NIPAL2: variants seen among roughly 807,000 people sequenced by gnomAD.
NIPAL2 encodes the protein NIPA like domain containing 2.
In NIPAL2, 43 loss-of-function variants were observed where a neutral mutation model predicts 48.9. The observed-to-expected ratio is 0.88, with a 90% confidence interval of 0.69 to 1.13. The LOEUF (loss-of-function observed/expected upper bound fraction) is 1.13. Ranked by LOEUF, NIPAL2 falls within the 50% of genes most tolerant of loss-of-function variation. The pLI is 0.00. For synonymous variants in NIPAL2, 167 were observed against 174.6 expected (o/e 0.96, Z 0.34); for missense variants, 446 against 461.4 (o/e 0.97, Z 0.31).
intron 3 of NIPAL2, 160 bp downstream of exon 3, chr8:98,252,303 A>G: frequency 1.0e-5 from 7 of 683,288 alleles, no homozygotes; most frequent in Middle Eastern, 4.2e-4. Context: ...CAGCATGACA[A>G]TGGATCGCTG....
chr8:98,253,398 G>A (rs1465885051), intron 2 of NIPAL2, among the ~76,000 whole-genome samples: 1 of 152,028 alleles, frequency 6.6e-6, no homozygotes, highest in Admixed American at 6.5e-5. Context: ...GCACTAATTT[G>A]ATTCTATTTA....
At position 98,258,630 on chromosome 8, in the gene NIPAL2, A is replaced by G. The variant is rs73698766; in HGVS notation, c.136-4543T>C. On this transcript the variant is annotated intron_variant, in intron 1 of 10. Transcript: ENST00000430223. ...AACTTAGGAGTATGTGCCTGTAAAA[A>G]TAGGTGAGTCTTGGCCAATACCAGA... is the stretch of plus-strand genomic sequence containing the variant. 7.2e-3 allele frequency among the ~76,000 whole-genome samples: 1,093 copies of G among 152,322 alleles called. 13 individuals are homozygous for G. The highest frequency in any genetic ancestry group is 0.025 in the African/African-American group (1,024 of 41,566).
chr8:98,252,032 C>T (rs1223800395), intron 3 of NIPAL2, among the ~76,000 whole-genome samples: 1 of 152,088 alleles, frequency 6.6e-6, no homozygotes, highest in Admixed American at 6.5e-5. Context: ...GTAATGTAGA[C>T]TAACCAATAT....
At chr8:98,271,104 T>C (rs894539998) in intron 1 of NIPAL2, among the ~76,000 whole-genome samples, 1 of 152,218 alleles carries the variant, frequency 6.6e-6, no homozygotes, top group African/African-American at 2.4e-5. Flanking sequence ...TATAGCCTTC[T>C]AGTATAGTTT....
At chr8:98,231,500 A>C (rs867609842) in intron 4 of NIPAL2, among the ~76,000 whole-genome samples, 3 of 152,166 alleles carry the variant, frequency 2.0e-5, no homozygotes, top group Admixed American at 6.5e-5. Context: ...TCTGGTCTTA[A>C]ATCAACTAGG....
intron 1 of NIPAL2, among the ~76,000 whole-genome samples, chr8:98,266,553 CAA>C (rs1168587196): frequency 0.026 from 1,798 of 69,172 alleles, 38 homozygotes; most frequent in African/African-American, 0.071. Flanking sequence ...ACTCTGTCTC[CAA>C]AAAAAAAAAA....
chr8:98,196,858 A>G (rs2130686131), intron 8 of NIPAL2, among the ~76,000 whole-genome samples: 1 of 152,360 alleles, frequency 6.6e-6, no homozygotes, highest in African/African-American at 2.4e-5. Flanking sequence ...GAGCTTTCTC[A>G]TTCTTCACCT....
chr8:98,256,447 C>G (rs1694432767), intron 1 of NIPAL2, among the ~76,000 whole-genome samples: 1 of 152,104 alleles, frequency 6.6e-6, no homozygotes, highest in Non-Finnish European at 1.5e-5. Flanking sequence ...AGAATGCCTA[C>G]AATTCAACAA....
chr8:98,193,504 T>C, intron 10 of NIPAL2: 1 of 1,266,408 alleles, frequency 7.9e-7, no homozygotes, highest in African/African-American at 1.5e-5. Context: ...GCACTGAGCT[T>C]TGTGAAATAA....
At chr8:98,230,843 C>G (rs931238034) in intron 4 of NIPAL2, among the ~76,000 whole-genome samples, 16 of 152,190 alleles carry the variant, frequency 1.1e-4, no homozygotes, top group African/African-American at 3.9e-4. Flanking sequence ...TATCCTGGTT[C>G]CCAAGCTCCT....
chr8:98,280,761 T>TATATATATATATATATATAGAGAG, intron 1 of NIPAL2, among the ~76,000 whole-genome samples: 37 of 30,020 alleles, frequency 1.2e-3, no homozygotes, highest in East Asian at 1.9e-3. Context: ...TATATATATA[T>TATATATATATATATATATAGAGAG]AGAGAGAGAG....
intron 1 of NIPAL2, among the ~76,000 whole-genome samples, chr8:98,292,023 G>C (rs1004869884): frequency 2.6e-5 from 4 of 152,342 alleles, no homozygotes; most frequent in East Asian, 1.9e-4. Context: ...CTTTGGAAGG[G>C]ATAAAGGGAC....
chr8:98,253,480 A>C (rs552187891), intron 2 of NIPAL2, among the ~76,000 whole-genome samples: 1 of 152,346 alleles, frequency 6.6e-6, no homozygotes, highest in Non-Finnish European at 1.5e-5. Context: ...TATTTCATTC[A>C]GTTTGCAGTT....
chr8:98,281,465 G>A (rs944780614), intron 1 of NIPAL2, among the ~76,000 whole-genome samples: 1 of 152,080 alleles, frequency 6.6e-6, no homozygotes, highest in Non-Finnish European at 1.5e-5. Context: ...TAACTTAAAT[G>A]TGCCTTTAAA....
intron 9 of NIPAL2, among the ~76,000 whole-genome samples, chr8:98,195,441 A>G (rs541839161): frequency 2.8e-4 from 42 of 152,286 alleles, no homozygotes; most frequent in Admixed American, 1.2e-3. Context: ...TTTGCAAGCA[A>G]TGCTAGCAAT....
chr8:98,198,258 A>G (rs1810644901), intron 8 of NIPAL2, among the ~76,000 whole-genome samples: 1 of 152,226 alleles, frequency 6.6e-6, no homozygotes, highest in African/African-American at 2.4e-5. Context: ...GTAGGTCTCA[A>G]CAGTGGGTTT....
intron 3 of NIPAL2, among the ~76,000 whole-genome samples, chr8:98,237,108 T>C (rs1164733053): frequency 6.6e-6 from 1 of 152,064 alleles, no homozygotes; most frequent in Non-Finnish European, 1.5e-5. Flanking sequence ...TTGCCCAGGC[T>C]GGAGTGCAGT....
intron 7 of NIPAL2, among the ~76,000 whole-genome samples, chr8:98,204,719 C>G (rs1213029893): frequency 6.6e-6 from 1 of 151,976 alleles, no homozygotes; most frequent in African/African-American, 2.4e-5. Flanking sequence ...TGAGCATGAG[C>G]TAAGAAATGA....
intron 1 of NIPAL2, among the ~76,000 whole-genome samples, chr8:98,257,281 C>T (rs1403848612): frequency 6.6e-6 from 1 of 152,116 alleles, no homozygotes; most frequent in Non-Finnish European, 1.5e-5. Flanking sequence ...TATAGCATCA[C>T]ATGACAGATA....
Sources: gnomAD v4.1 joint callset for allele counts (sites outside exome capture counted in the v4.1 genomes callset) on GRCh38, gnomAD v4.1.1 for gene constraint, MANE v1.5 for transcripts, NCBI Gene and HGNC (gene_info 2026-07-23, HGNC 2026-07-21) for gene names.